Variants in ANKRD28 observed in about 807,000 individuals in gnomAD.
ANKRD28 encodes the protein ankyrin repeat domain 28, also known as serine/threonine-protein phosphatase 6 regulatory ankyrin repeat subunit A.
ANKRD28 carries 44 observed loss-of-function variants against 126.5 expected under a neutral mutation model. The ratio of observed to expected loss-of-function variants is 0.35; its 90% CI spans 0.27 to 0.45. ANKRD28 has a LOEUF of 0.45. Ranked by LOEUF, ANKRD28 falls within the 20% of genes least tolerant of loss-of-function variation. The pLI is 1.00. For missense variants in ANKRD28, 1,110 were observed against 1,316.6 expected (o/e 0.84, Z 2.43); for synonymous variants, 442 against 468.5 (o/e 0.94, Z 0.73).
chr3:15,766,174 A>G, intron 3 of ANKRD28, 60 bp downstream of exon 3: 1 of 1,332,692 alleles, frequency 7.5e-7, no homozygotes, highest in Non-Finnish European at 1.1e-6. Flanking sequence ...TATGATTGAG[A>G]AACATTAAGA....
At chr3:15,794,328 T>TA (rs57325392) in intron 2 of ANKRD28, among the ~76,000 whole-genome samples, 24,818 of 148,204 alleles carry the variant, frequency 0.17, 2,943 homozygotes, top group East Asian at 0.57. Context: ...AGTATTATAT[T>TA]AAAAAAAAAA....
At chr3:15,674,639 G>A (rs1013272388) in intron 27 of ANKRD28, among the ~76,000 whole-genome samples, 1 of 152,078 alleles carries the variant, frequency 6.6e-6, no homozygotes, top group African/African-American at 2.4e-5. Flanking sequence ...TAAAACCAAA[G>A]GAACTGATGA....
intron 3 of ANKRD28, among the ~76,000 whole-genome samples, chr3:15,765,622 A>G (rs1387996285): frequency 6.6e-6 from 1 of 152,134 alleles, no homozygotes; most frequent in African/African-American, 2.4e-5. Flanking sequence ...CAGGCAGATC[A>G]CAAGGTCAGG....
intron 2 of ANKRD28, among the ~76,000 whole-genome samples, chr3:15,775,060 A>G (rs571847845): frequency 2.4e-5 from 3 of 124,788 alleles, no homozygotes; most frequent in African/African-American, 9.5e-5. Flanking sequence ...TATCTTTAGT[A>G]GAGATGGAGT....
Position 15,789,564 on chromosome 3 carries a change from C to A in ANKRD28, c.201+5659G>T, listed in dbSNP as rs140765269. Reference sequence around the variant, plus strand: ...TATTATGAGAAAGCCAAGAGTTTCACAGAGAAGCTCACCCAGAGCTCTGAC... The same window carrying A: ...TATTATGAGAAAGCCAAGAGTTTCAAAGAGAAGCTCACCCAGAGCTCTGAC... On this transcript the variant is annotated intron_variant, in intron 2 of 27. Coordinates refer to ENST00000683139, the MANE Select transcript of ANKRD28 (RefSeq NM_001349278.2). 4.2e-3 allele frequency among the ~76,000 whole-genome samples: 646 copies of A among 152,134 alleles called. 5 individuals are homozygous for A. The highest frequency in any genetic ancestry group is 0.019 in the East Asian group (101 of 5,188).
chr3:15,690,263 G>A (rs1278106000), intron 17 of ANKRD28, 43 bp from the exon 18 acceptor site: 1 of 1,439,648 alleles, frequency 6.9e-7, no homozygotes, highest in African/African-American at 1.4e-5. Context: ...TACATATTTA[G>A]ACTGACTTCC....
At chr3:15,826,481 C>T (rs2061069904) in intron 1 of ANKRD28, among the ~76,000 whole-genome samples, 1 of 151,998 alleles carries the variant, frequency 6.6e-6, no homozygotes, top group African/African-American at 2.4e-5. Context: ...GATATGTAAA[C>T]ACAGTATAAG....
intron 11 of ANKRD28, among the ~76,000 whole-genome samples, chr3:15,711,755 C>T (rs1380476215): frequency 6.6e-6 from 1 of 151,878 alleles, no homozygotes; most frequent in Non-Finnish European, 1.5e-5. Context: ...GGCACAATCT[C>T]GGCTTACTGC....
At chr3:15,696,023 A>C (rs1372808924) in intron 15 of ANKRD28, 111 bp downstream of exon 15, 2 of 752,276 alleles carry the variant, frequency 2.7e-6, no homozygotes, top group Non-Finnish European at 4.4e-6. Flanking sequence ...AATTCTGAAA[A>C]TGTTAAAAAA....
Position 15,797,136 on chromosome 3 carries a change from G to A in ANKRD28, c.-615C>T, listed in dbSNP as rs1388722220. The stretch of plus-strand genomic sequence containing the variant: ...TCACAGAAAAAAGATCTAGAGCTCA[G>A]CACAAATCCTGAAAATGAAGCTCAG... On this transcript the variant is annotated 5_prime_UTR_variant, in exon 1 of 28. Transcript: ENST00000683139. The A allele has an allele frequency of 1.0e-6, 1 of 980,588 alleles. No homozygotes were observed. Among genetic ancestry groups the A allele is most frequent in the Non-Finnish European group, 1.2e-6 (1 of 829,096 alleles). The allele number at this position is 980,588 out of a possible 1,614,324, so 60.7% of individuals were successfully genotyped here. A position where few individuals can be genotyped will look rare whatever the true frequency, so the allele number is the denominator to read the frequency against.
At chr3:15,765,612 C>T (rs539525242) in intron 3 of ANKRD28, among the ~76,000 whole-genome samples, 1 of 152,202 alleles carries the variant, frequency 6.6e-6, no homozygotes, top group Non-Finnish European at 1.5e-5. Flanking sequence ...GAGGCCAAGA[C>T]AGGCAGATCA....
At chr3:15,679,424 T>C (rs764010959) in intron 22 of ANKRD28, 40 bp from the exon 23 acceptor site, 1 of 1,612,920 alleles carries the variant, frequency 6.2e-7, no homozygotes, top group South Asian at 1.1e-5. Flanking sequence ...ACAGCAATGG[T>C]GTATTTCTTA....
intron 3 of ANKRD28, among the ~76,000 whole-genome samples, chr3:15,753,507 A>G (rs550407571): frequency 6.6e-6 from 1 of 152,360 alleles, no homozygotes; most frequent in Non-Finnish European, 1.5e-5. Flanking sequence ...ATCTATACAC[A>G]GTAGAACGGA....
intron 14 of ANKRD28, among the ~76,000 whole-genome samples, chr3:15,706,359 C>G (rs564349570): frequency 2.6e-5 from 2 of 76,364 alleles, no homozygotes; most frequent in Admixed American, 3.2e-4. Context: ...TTTGTCCTTG[C>G]GATAGTTTGC....
chr3:15,727,072 C>A (rs2174172), intron 6 of ANKRD28, among the ~76,000 whole-genome samples: 71,492 of 151,994 alleles, frequency 0.47, 19,719 homozygotes, highest in Non-Finnish European at 0.6. Context: ...CTTGGCCACC[C>A]AAGAGCTCTT....
At position 15,846,726 on chromosome 3, in the gene ANKRD28, A is replaced by C. The variant is rs1011696903; in HGVS notation, c.27+12651T>G. Among the ~76,000 whole-genome samples the C allele has an allele frequency of 6.6e-6, 1 of 152,238 alleles. No homozygotes were observed. Among genetic ancestry groups the C allele is most frequent in the Admixed American group, 6.5e-5 (1 of 15,282 alleles). On this transcript the variant is annotated intron_variant, in intron 1 of 27. Coordinates refer to the ANKRD28 transcript ENST00000399451. This position sits in a 1 kb window ranked among gnomAD's most constrained non-coding sequence, Gnocchi z 5.4. ...AGTCAAAAAATCTATGTTAATGATC[A>C]GCTGGGTGTGCCTGAGGAGGCTGGA... is the stretch of plus-strand genomic sequence containing the variant.
At chr3:15,732,251 T>C (rs1247764669) in intron 6 of ANKRD28, 1 of 152,154 alleles carries the variant, frequency 6.6e-6, no homozygotes, top group Non-Finnish European at 1.5e-5. Flanking sequence ...AGGGGGAGAA[T>C]GCACAGTCTT....
intron 14 of ANKRD28, among the ~76,000 whole-genome samples, chr3:15,700,750 G>A (rs573325201): frequency 2.6e-5 from 4 of 152,260 alleles, no homozygotes; most frequent in African/African-American, 9.6e-5. Flanking sequence ...CTCCAGCCTG[G>A]CGACAGAGTG....
rs1190731963 is a variant in ANKRD28, at chr3:15,696,041, G to A, written c.1659+93C>T. The A allele has an allele frequency of 3.4e-6, 3 of 874,030 alleles. No homozygotes were observed. The East Asian group carries it at 8.1e-5, about 24-fold the overall frequency. The allele number at this position is 874,030 out of a possible 1,614,324, so 54.1% of individuals were successfully genotyped here. A position where few individuals can be genotyped will look rare whatever the true frequency, so the allele number is the denominator to read the frequency against. ...TCTGAAAATGTTAAAAAACAAAATGGAATTTGTTCCTTGATCCATTTATTC... is the reference window on the plus strand; with the variant it reads ...TCTGAAAATGTTAAAAAACAAAATGAAATTTGTTCCTTGATCCATTTATTC... On this transcript the variant is annotated intron_variant, in intron 15 of 27. Coordinates refer to ENST00000683139, the MANE Select transcript of ANKRD28 (RefSeq NM_001349278.2).
Sources: gnomAD v4.1 joint callset for allele counts (sites outside exome capture counted in the v4.1 genomes callset) on GRCh38, gnomAD v4.1.1 for gene constraint, Gnocchi (gnomAD v3.1) non-coding constraint, MANE v1.5 for transcripts, NCBI Gene and HGNC (gene_info 2026-07-23, HGNC 2026-07-21) for gene names.